Variants in GLRA3 observed in about 807,000 individuals in gnomAD.
GLRA3 encodes glycine receptor alpha 3.
A neutral mutation model predicts 60.4 loss-of-function variants in GLRA3; 44 were observed. The observed-to-expected ratio is 0.73, with a 90% CI of 0.57 to 0.94. The LOEUF (loss-of-function observed/expected upper bound fraction) is 0.94, where lower values mean the gene tolerates loss of function less well. Among genes scored for constraint, GLRA3 ranks in the 40% least tolerant of loss-of-function variants. The pLI is 0.00. For missense variants in GLRA3, 508 were observed against 564.6 expected (o/e 0.90, Z 1.02); for synonymous variants, 223 against 192.9 (o/e 1.16, Z -1.29).
chr4:174,778,714 C>CG (rs748107565), intron 2 of GLRA3, among the ~76,000 whole-genome samples: 8 of 151,966 alleles, frequency 5.3e-5, no homozygotes, highest in Non-Finnish European at 8.8e-5. Context: ...AAAGGGGTGA[C>CG]GCACCTGGAA....
intron 3 of GLRA3, among the ~76,000 whole-genome samples, chr4:174,735,577 T>C (rs1357142314): frequency 6.6e-6 from 1 of 152,216 alleles, no homozygotes; most frequent in Non-Finnish European, 1.5e-5. Flanking sequence ...TATTTATTTT[T>C]TGAGATGGAG....
intron 5 of GLRA3, among the ~76,000 whole-genome samples, chr4:174,706,225 G>A (rs922932957): frequency 3.5e-5 from 5 of 144,202 alleles, no homozygotes; most frequent in Non-Finnish European, 6.0e-5. Flanking sequence ...GCGAGACTCC[G>A]TCTCAGAAAA....
At chr4:174,728,408 A>G (rs774677174) in intron 4 of GLRA3, 67 bp downstream of exon 4, 2 of 902,208 alleles carry the variant, frequency 2.2e-6, no homozygotes, top group Non-Finnish European at 3.5e-6. Context: ...TTCACCAAAC[A>G]AACCAACCAA....
chr4:174,685,157 G>T (rs1170144186), intron 5 of GLRA3, among the ~76,000 whole-genome samples: 3 of 152,164 alleles, frequency 2.0e-5, no homozygotes, highest in African/African-American at 7.2e-5. Context: ...GAAACAACTG[G>T]CATGGAGCTG....
intron 3 of GLRA3, among the ~76,000 whole-genome samples, chr4:174,753,804 A>T (rs189361858): frequency 6.6e-6 from 1 of 152,332 alleles, no homozygotes; most frequent in East Asian, 1.9e-4. Context: ...ATTTAACTCT[A>T]CAATCTTTAT....
intron 9 of GLRA3, among the ~76,000 whole-genome samples, chr4:174,650,271 C>T (rs4695781): frequency 0.51 from 78,018 of 151,972 alleles, 21,531 homozygotes; most frequent in African/African-American, 0.72. Context: ...TCTGTTGGCC[C>T]CACTGTATAA....
chr4:174,782,299 G>T (rs1738914286), intron 2 of GLRA3, among the ~76,000 whole-genome samples: 1 of 151,754 alleles, frequency 6.6e-6, no homozygotes, highest in South Asian at 2.1e-4. Context: ...TATAAATTAG[G>T]TATTCATGGG....
At position 174,642,301 on chromosome 4, in the gene GLRA3, T is replaced by C; in HGVS notation, c.*1485A>G. 1.0e-6 allele frequency: 1 copy of C among 962,414 alleles called. No individual in the cohort carries two copies. The highest frequency in any genetic ancestry group is 1.2e-6 in the Non-Finnish European group (1 of 810,846). The allele number at this position is 962,414 out of a possible 1,614,324, so 59.6% of individuals were successfully genotyped here. A position where few individuals can be genotyped will look rare whatever the true frequency, so the allele number is the denominator to read the frequency against. The stretch of plus-strand genomic sequence containing the variant: ...ATAGCATCTTGTTAAAGAACTGGCT[T>C]TTCTATTGTACATCTGAGTTCATTG... On this transcript the variant is annotated 3_prime_UTR_variant, in exon 10 of 10. Coordinates refer to ENST00000274093, the MANE Select transcript of GLRA3 (RefSeq NM_006529.4).
At chr4:174,788,986 T>G (rs747202951) in intron 1 of GLRA3, 43 bp from the exon 2 acceptor site, 1 of 1,303,732 alleles carries the variant, frequency 7.7e-7, no homozygotes, top group Non-Finnish European at 1.1e-6. Flanking sequence ...AAAAGAAGTA[T>G]TTCTAATAAT....
intron 5 of GLRA3, among the ~76,000 whole-genome samples, chr4:174,709,117 T>C (rs555970840): frequency 3.7e-4 from 56 of 152,046 alleles, no homozygotes; most frequent in Non-Finnish European, 5.6e-4. Context: ...GAAAATTACC[T>C]CATGTTGCTA....
At chr4:174,795,584 G>C (rs1341187653) in intron 1 of GLRA3, among the ~76,000 whole-genome samples, 2 of 152,054 alleles carry the variant, frequency 1.3e-5, no homozygotes, top group Non-Finnish European at 2.9e-5. Flanking sequence ...TATAAATGGA[G>C]AAAAGTTTAC....
At chr4:174,664,082 C>T (rs1733564837) in intron 7 of GLRA3, among the ~76,000 whole-genome samples, 2 of 152,204 alleles carry the variant, frequency 1.3e-5, no homozygotes, top group South Asian at 2.1e-4. Context: ...GGTGCTCTTT[C>T]CATGGCTTCT....
intron 5 of GLRA3, among the ~76,000 whole-genome samples, chr4:174,686,878 A>G (rs1734571278): frequency 6.6e-6 from 1 of 152,200 alleles, no homozygotes; most frequent in Non-Finnish European, 1.5e-5. Flanking sequence ...TAAAGTGTCA[A>G]ATAATGTAAG....
intron 3 of GLRA3, among the ~76,000 whole-genome samples, chr4:174,765,943 C>CT (rs34228405): frequency 0.045 from 6,659 of 147,438 alleles, 156 homozygotes; most frequent in Middle Eastern, 0.08. Context: ...AGGGAAACAG[C>CT]TTTTTTTTTT....
intron 7 of GLRA3, among the ~76,000 whole-genome samples, chr4:174,673,763 T>A (rs1052126809): frequency 6.6e-6 from 1 of 152,142 alleles, no homozygotes; most frequent in Non-Finnish European, 1.5e-5. Context: ...AAGTTCTTAG[T>A]TTTTGACAAT....
chr4:174,673,482 A>G (rs1366233245), intron 7 of GLRA3, among the ~76,000 whole-genome samples: 1 of 152,160 alleles, frequency 6.6e-6, no homozygotes, highest in Admixed American at 6.6e-5. Context: ...TGAGATCTCA[A>G]AGAGTTTGGG....
Position 174,746,762 on chromosome 4 carries a change from T to C in GLRA3, c.268-18064A>G, listed in dbSNP as rs114809579. On this transcript the variant is annotated intron_variant, in intron 3 of 9. Coordinates refer to ENST00000274093, the MANE Select transcript of GLRA3 (RefSeq NM_006529.4). ...ATGGTAAACCCATGTGAAAATGATG[T>C]ATGCCCCAGGTACGCTGACTTGAAC... Among the ~76,000 whole-genome samples, 778 of 152,288 alleles carry C rather than the reference T, an allele frequency of 5.1e-3. 6 individuals carry two copies. Among genetic ancestry groups the C allele is most frequent in the Middle Eastern group, 0.024 (7 of 294 alleles).
At chr4:174,745,778 A>G (rs753720824) in intron 3 of GLRA3, among the ~76,000 whole-genome samples, 4 of 148,630 alleles carry the variant, frequency 2.7e-5, no homozygotes, top group Non-Finnish European at 5.9e-5. Context: ...AGGAACTTGA[A>G]CAACTCAATA....
intron 1 of GLRA3, among the ~76,000 whole-genome samples, chr4:174,808,388 T>G (rs1020520988): frequency 2.6e-5 from 4 of 152,220 alleles, no homozygotes; most frequent in African/African-American, 9.6e-5. Context: ...AGATTACTCA[T>G]GTGCTTGTTG....
Sources: gnomAD v4.1 joint callset for allele counts (sites outside exome capture counted in the v4.1 genomes callset) on GRCh38, gnomAD v4.1.1 for gene constraint, MANE v1.5 for transcripts, NCBI Gene and HGNC (gene_info 2026-07-23, HGNC 2026-07-21) for gene names.